The following HIPK2 variants were observed in gnomAD, a reference collection of about 807,000 sequenced individuals.
The protein encoded by HIPK2 is homeodomain interacting protein kinase 2.
Under a neutral mutation model 113.7 loss-of-function variants are expected in HIPK2, and 27 were observed. The ratio of observed to expected loss-of-function variants is 0.24; its 90% CI spans 0.17 to 0.33. The LOEUF is 0.33. Ranked by LOEUF, HIPK2 falls within the 10% of genes least tolerant of loss-of-function variation. The pLI, the probability that HIPK2 is intolerant of heterozygous loss-of-function variation, is 1.00. For missense variants in HIPK2, 1,257 were observed against 1,588.0 expected (o/e 0.79, Z 3.54); for synonymous variants, 631 against 642.2 (o/e 0.98, Z 0.26).
chr7:139,661,881 T>C (rs775279834), intron 2 of HIPK2, among the ~76,000 whole-genome samples: 5 of 152,234 alleles, frequency 3.3e-5, no homozygotes, highest in Non-Finnish European at 7.3e-5. Context: ...CACCTGATAC[T>C]AACCATTCAT....
chr7:139,633,331 G>A lies in HIPK2; in HGVS notation c.1104-1606C>T, dbSNP rs970932770. ...GCATGAGAGTGGGGAGGAAGAGGGC[G>A]ATCAGAAACACCCCCACTGGTCTTG... On this transcript the variant is annotated intron_variant, in intron 2 of 14. Coordinates refer to ENST00000406875, the MANE Select transcript of HIPK2 (RefSeq NM_022740.5). Among the ~76,000 whole-genome samples, 5 of 152,044 alleles carry A rather than the reference G, an allele frequency of 3.3e-5. No homozygotes were observed. In the East Asian group the frequency reaches 5.8e-4, roughly 18 times the overall value.
chr7:139,573,029 G>C lies in HIPK2; in HGVS notation c.3495C>G (p.Ala1165=), dbSNP rs1219768700. The C allele has an allele frequency of 6.2e-7, 1 of 1,612,734 alleles. No individual in the cohort carries two copies. Among genetic ancestry groups the C allele is most frequent in the South Asian group, 1.1e-5 (1 of 90,764 alleles). ...SPTIHPSQYP[A]QFAHQTYISA... ...TGATGTAGGTCTGGTGGGCAAATTG[G>C]GCTGGATACTGACTCGGGTGGATGG... The change falls in exon 15 of 15, where the codon GCC becomes GCG. Residue 1165 remains alanine, a synonymous_variant. Coordinates refer to ENST00000406875, the MANE Select transcript of HIPK2 (RefSeq NM_022740.5).
chr7:139,646,928 C>T (rs1436854269), intron 2 of HIPK2, among the ~76,000 whole-genome samples: 3 of 152,016 alleles, frequency 2.0e-5, no homozygotes, highest in African/African-American at 7.2e-5. Context: ...TTCCCCTCCG[C>T]ACCTCTGTCA....
chr7:139,686,906 A>C (rs1305018214), intron 2 of HIPK2, among the ~76,000 whole-genome samples: 1 of 152,222 alleles, frequency 6.6e-6, no homozygotes, highest in Non-Finnish European at 1.5e-5. Context: ...TGAAGGGAAG[A>C]GTCAAGTGAT....
At chr7:139,723,430 G>C (rs1027592974) in intron 1 of HIPK2, among the ~76,000 whole-genome samples, 1 of 152,082 alleles carries the variant, frequency 6.6e-6, no homozygotes, top group South Asian at 2.1e-4. Context: ...TTGACCTCAG[G>C]TGATCCACCT....
At chr7:139,652,089 A>G (rs75356762) in intron 2 of HIPK2, among the ~76,000 whole-genome samples, 8,582 of 152,292 alleles carry the variant, frequency 0.056, 294 homozygotes, top group Non-Finnish European at 0.073. Context: ...TTGAAACAGG[A>G]TTATAATCAG....
rs183433963 is a variant in HIPK2 at position 139,745,374 on chromosome 7, T to C, written c.20-28359A>G. 3.3e-5 allele frequency among the ~76,000 whole-genome samples: 5 copies of C among 152,218 alleles called. No homozygotes were observed. The East Asian group carries it at 9.7e-4, about 29-fold the overall frequency. On this transcript the variant is annotated intron_variant, in intron 1 of 14. Transcript: ENST00000406875. Reference sequence around the variant, plus strand: ...TGGATTTAGCATTCAAGTGTGAGGATAAAGGCTAGGGAGACTGAGGAAGCA... The same window carrying C: ...TGGATTTAGCATTCAAGTGTGAGGACAAAGGCTAGGGAGACTGAGGAAGCA...
chr7:139,645,905 A>G (rs1801202710), intron 2 of HIPK2, among the ~76,000 whole-genome samples: 1 of 152,162 alleles, frequency 6.6e-6, no homozygotes, highest in East Asian at 1.9e-4. Flanking sequence ...AGTTAGGAAC[A>G]AGAAGATCTT....
intron 1 of HIPK2, among the ~76,000 whole-genome samples, chr7:139,748,497 C>T (rs976376023): frequency 6.6e-6 from 1 of 151,920 alleles, no homozygotes; most frequent in Non-Finnish European, 1.5e-5. Flanking sequence ...GTGTTCCATG[C>T]CTCTCTCCTA....
intron 5 of HIPK2, 26 bp downstream of exon 5, chr7:139,628,927 G>A (rs760510875): frequency 2.2e-5 from 34 of 1,570,980 alleles, no homozygotes; most frequent in East Asian, 2.1e-4. Flanking sequence ...AAGGGCTTAC[G>A]TTGCATACTC....
At chr7:139,583,670 T>G (rs1020034028) in intron 13 of HIPK2, 147 bp downstream of exon 13, 8 of 1,226,216 alleles carry the variant, frequency 6.5e-6, no homozygotes. Flanking sequence ...CCCTGGATAC[T>G]TGAATAAAAT....
rs1205374187 is a variant in HIPK2 at position 139,665,037 on chromosome 7, CTCTT to C, written c.1104-33316_1104-33313del. ...CCTTGGTTACCCTTCTTCTTTCTCTCTCTTTTTTTTTTTTTTTTTAGACAGGGTC... is the reference window on the plus strand; with the variant it reads ...CCTTGGTTACCCTTCTTCTTTCTCTCTTTTTTTTTTTTTTTAGACAGGGTC... On this transcript the variant is annotated intron_variant, in intron 2 of 14. Transcript: ENST00000406875. Among the ~76,000 whole-genome samples, 30 of 141,158 alleles carry C rather than the reference CTCTT, an allele frequency of 2.1e-4. No individual in the cohort carries two copies. In the South Asian group the frequency reaches 7.0e-3, roughly 33 times the overall value. The allele number at this position is 141,158 out of a possible 152,430, so 92.6% of individuals were successfully genotyped here. A position where few individuals can be genotyped will look rare whatever the true frequency, so the allele number is the denominator to read the frequency against.
chr7:139,582,745 C>T (rs1291091206), intron 13 of HIPK2, among the ~76,000 whole-genome samples: 2 of 152,254 alleles, frequency 1.3e-5, no homozygotes, highest in Non-Finnish European at 2.9e-5. Context: ...CAAAAGGGGC[C>T]CCATCCCAGG....
intron 2 of HIPK2, among the ~76,000 whole-genome samples, chr7:139,643,731 GA>G (rs1801111030): frequency 6.6e-6 from 1 of 152,052 alleles, no homozygotes; most frequent in African/African-American, 2.4e-5. Context: ...AAGGAAAGAA[GA>G]AAAAAAGAAA....
intron 12 of HIPK2, among the ~76,000 whole-genome samples, chr7:139,588,089 G>A (rs1798896962): frequency 6.6e-6 from 1 of 151,610 alleles, no homozygotes. Flanking sequence ...AGGCCGAGGT[G>A]GGCGGATCAC....
At chr7:139,696,729 G>A (rs969672101) in intron 2 of HIPK2, among the ~76,000 whole-genome samples, 1 of 152,154 alleles carries the variant, frequency 6.6e-6, no homozygotes, top group South Asian at 2.1e-4. Context: ...GGGGCGGGGT[G>A]AAAAGAGTAA....
rs1201401500 is a variant in HIPK2, at chr7:139,705,629, G to A, written c.1103+10303C>T. 3.3e-5 allele frequency among the ~76,000 whole-genome samples: 5 copies of A among 151,890 alleles called. No individual in the cohort carries two copies. In the East Asian group the frequency reaches 9.7e-4, roughly 29 times the overall value. ...CCTGACCTCGTGATCCGCCCGCCTCGGCCTCCCAAAGTGCTGGGATTACAG... is the reference window on the plus strand; with the variant it reads ...CCTGACCTCGTGATCCGCCCGCCTCAGCCTCCCAAAGTGCTGGGATTACAG... On this transcript the variant is annotated intron_variant, in intron 2 of 14. Coordinates refer to ENST00000406875, the MANE Select transcript of HIPK2 (RefSeq NM_022740.5).
intron 2 of HIPK2, among the ~76,000 whole-genome samples, chr7:139,648,664 C>T (rs185813699): frequency 6.6e-6 from 1 of 152,238 alleles, no homozygotes; most frequent in Admixed American, 6.5e-5. Context: ...CACTTCCTAC[C>T]GAGCAACGCC....
Position 139,760,508 on chromosome 7 carries a change from AT to A in HIPK2, c.19+17096del, listed in dbSNP as rs1292844765. On this transcript the variant is annotated intron_variant, in intron 1 of 14. Transcript: ENST00000406875. ...TTAATACATACCCTTAGTGGAATGC[AT>A]TTTAAGAACAAAACAAAAATTACAA... 3.3e-5 allele frequency among the ~76,000 whole-genome samples: 5 copies of A among 152,336 alleles called. 1 individual carries two copies. Among genetic ancestry groups the A allele is most frequent in the Admixed American group, 3.3e-4 (5 of 15,304 alleles).
Sources: gnomAD v4.1 joint callset for allele counts (sites outside exome capture counted in the v4.1 genomes callset) on GRCh38, gnomAD v4.1.1 for gene constraint, MANE v1.5 for transcripts, NCBI Gene and HGNC (gene_info 2026-07-23, HGNC 2026-07-21) for gene names.